The following LRRC4C variants were observed in gnomAD, a reference collection of about 807,000 sequenced individuals.
LRRC4C encodes leucine rich repeat containing 4C, also known as leucine-rich repeat-containing protein 4C.
Under a neutral mutation model 33.6 loss-of-function variants are expected in LRRC4C, and 5 were observed. The observed-to-expected ratio is 0.15, with a 90% CI of 0.08 to 0.31. LRRC4C has a LOEUF of 0.31. LRRC4C is among the 10% of genes least tolerant of loss of function. LRRC4C has a pLI of 1.00. For synonymous variants in LRRC4C, 329 were observed against 302.0 expected, an observed-to-expected ratio of 1.09 and a Z score of -0.93; for missense variants, 560 against 796.7, an observed-to-expected ratio of 0.70 and a Z score of 3.58.
chr11:40,518,148 A>C (rs1955650314), intron 3 of LRRC4C, among the ~76,000 whole-genome samples: 1 of 152,248 alleles, frequency 6.6e-6, no homozygotes, highest in Non-Finnish European at 1.5e-5. Flanking sequence ...ACCTTAAACC[A>C]TAAAAATCCT....
chr11:41,336,923 C>G (rs989797717), intron 1 of LRRC4C, among the ~76,000 whole-genome samples: 6 of 151,854 alleles, frequency 4.0e-5, no homozygotes, highest in African/African-American at 1.5e-4. Flanking sequence ...CACAGAGAAA[C>G]AGAGGCATGG....
intron 1 of LRRC4C, among the ~76,000 whole-genome samples, chr11:41,398,593 G>A (rs1405446231): frequency 6.6e-6 from 1 of 151,868 alleles, no homozygotes; most frequent in Non-Finnish European, 1.5e-5. Flanking sequence ...CCTTGTGCTA[G>A]CCACTTTATG....
At chr11:40,943,348 C>G (rs547658570) in intron 1 of LRRC4C, among the ~76,000 whole-genome samples, 2 of 152,274 alleles carry the variant, frequency 1.3e-5, no homozygotes, top group East Asian at 1.9e-4. Flanking sequence ...TTGTACTGTG[C>G]TACAGTTCTC....
At chr11:40,225,767 C>G (rs1254811036) in intron 5 of LRRC4C, among the ~76,000 whole-genome samples, 1 of 152,066 alleles carries the variant, frequency 6.6e-6, no homozygotes, top group Non-Finnish European at 1.5e-5. Context: ...TAGGTGCCCA[C>G]CACTACACCC....
At chr11:41,051,513 C>T (rs1302619985) in intron 1 of LRRC4C, among the ~76,000 whole-genome samples, 3 of 59,682 alleles carry the variant, frequency 5.0e-5, no homozygotes, top group African/African-American at 1.8e-4. Context: ...CTCCCAGGGT[C>T]TCAAGGCAAA....
At chr11:40,327,576 T>C (rs2136910711) in intron 3 of LRRC4C, among the ~76,000 whole-genome samples, 1 of 152,358 alleles carries the variant, frequency 6.6e-6, no homozygotes, top group Middle Eastern at 3.4e-3. Flanking sequence ...GAATATGTTT[T>C]CATAGTCACT....
At chr11:41,028,777 T>G (rs1856541994) in intron 1 of LRRC4C, among the ~76,000 whole-genome samples, 1 of 151,738 alleles carries the variant, frequency 6.6e-6, no homozygotes, top group Non-Finnish European at 1.5e-5. Flanking sequence ...TTGGAATGTT[T>G]TTTTTTCTTT....
chr11:40,443,421 T>C (rs1298418599), intron 3 of LRRC4C, among the ~76,000 whole-genome samples: 2 of 152,204 alleles, frequency 1.3e-5, no homozygotes, highest in African/African-American at 4.8e-5. Context: ...ATACCAACTT[T>C]GTTCTGGATT....
chr11:40,914,029 A>G (rs1351967362), intron 2 of LRRC4C, among the ~76,000 whole-genome samples: 2 of 152,186 alleles, frequency 1.3e-5, no homozygotes, highest in African/African-American at 4.8e-5. Flanking sequence ...GACCAAAAAC[A>G]GGCTCTGAAA....
intron 2 of LRRC4C, among the ~76,000 whole-genome samples, chr11:40,916,119 C>G (rs1956946301): frequency 6.6e-6 from 1 of 152,180 alleles, no homozygotes; most frequent in Non-Finnish European, 1.5e-5. Context: ...CTAGTTCAAC[C>G]ATTGTGGAAG....
chr11:41,113,660 T>G (rs1289012243), intron 1 of LRRC4C, among the ~76,000 whole-genome samples: 1 of 152,120 alleles, frequency 6.6e-6, no homozygotes, highest in Non-Finnish European at 1.5e-5. Flanking sequence ...AATCTGAGCC[T>G]CTTCCCCAAG....
chr11:40,787,261 TG>T (rs150684994), intron 2 of LRRC4C, among the ~76,000 whole-genome samples: 8 of 150,264 alleles, frequency 5.3e-5, no homozygotes, highest in South Asian at 4.2e-4. Context: ...AATTGCCAAC[TG>T]GGGGGGGTAG....
intron 6 of LRRC4C, among the ~76,000 whole-genome samples, chr11:40,130,659 C>G (rs545964357): frequency 6.6e-6 from 1 of 152,248 alleles, no homozygotes; most frequent in East Asian, 1.9e-4. Context: ...TGCCAAATGT[C>G]CCCTGGGGGG....
chr11:40,217,150 G>A (rs1013075868), intron 5 of LRRC4C, among the ~76,000 whole-genome samples: 1 of 152,094 alleles, frequency 6.6e-6, no homozygotes, highest in Admixed American at 6.6e-5. Flanking sequence ...TACATATGCA[G>A]ACCTTTAATT....
chr11:40,506,636 C>T lies in LRRC4C; in HGVS notation c.-270+141506G>A, dbSNP rs75508400. 5.8e-3 allele frequency among the ~76,000 whole-genome samples: 870 copies of T among 148,960 alleles called. 6 individuals are homozygous for T. The highest frequency in any genetic ancestry group is 0.021 in the African/African-American group (840 of 40,946). On this transcript the variant is annotated intron_variant, in intron 3 of 6. Transcript: ENST00000528697. ...TCTTCATTTAACTGCTTTTTATTCT[C>T]ATCTGAAAAAAAAATAATTCTAATG...
chr11:41,296,327 T>C (rs979196012), intron 1 of LRRC4C, among the ~76,000 whole-genome samples: 29 of 145,504 alleles, frequency 2.0e-4, no homozygotes, highest in Non-Finnish European at 3.7e-4. Flanking sequence ...TTTTTTTTTT[T>C]CTTTTGAGAC....
intron 1 of LRRC4C, among the ~76,000 whole-genome samples, chr11:41,179,604 A>C (rs531435207): frequency 6.6e-6 from 1 of 152,332 alleles, no homozygotes; most frequent in East Asian, 1.9e-4. Context: ...TGACAGACTT[A>C]GTCTTTGGTT....
chr11:40,717,215 C>A (rs1054965634), intron 2 of LRRC4C, among the ~76,000 whole-genome samples: 1 of 151,428 alleles, frequency 6.6e-6, no homozygotes, highest in South Asian at 2.1e-4. Flanking sequence ...CATAAATGAA[C>A]AGGACCTTGC....
chr11:40,366,925 C>T (rs930754638), intron 3 of LRRC4C, among the ~76,000 whole-genome samples: 2 of 152,042 alleles, frequency 1.3e-5, no homozygotes, highest in African/African-American at 4.8e-5. Context: ...TTAGTTGTAT[C>T]ATTCCACATG....
Sources: gnomAD v4.1 joint callset for allele counts (sites outside exome capture counted in the v4.1 genomes callset) on GRCh38, gnomAD v4.1.1 for gene constraint, MANE v1.5 for transcripts, NCBI Gene and HGNC (gene_info 2026-07-23, HGNC 2026-07-21) for gene names.